The following SLC47A2 variants were observed in gnomAD, a reference collection of about 807,000 sequenced individuals.
SLC47A2 encodes multidrug and toxin extrusion protein 2.
Under a neutral mutation model 67.7 loss-of-function variants are expected in SLC47A2, and 52 were observed. The observed-to-expected ratio is 0.77, with a 90% CI of 0.61 to 0.97. SLC47A2 has a LOEUF of 0.97. Among genes scored for constraint, SLC47A2 ranks in the 50% least tolerant of loss-of-function variants. The pLI is 0.00. For missense variants in SLC47A2, 676 were observed against 712.3 expected, an observed-to-expected ratio of 0.95 and a Z score of 0.58; for synonymous variants, 278 against 292.9, an observed-to-expected ratio of 0.95 and a Z score of 0.52.
chr17:19,704,427 C>CAG (rs2085872489), intron 10 of SLC47A2, among the ~76,000 whole-genome samples: 1 of 152,264 alleles, frequency 6.6e-6, no homozygotes, highest in Non-Finnish European at 1.5e-5. Context: ...GCAGCACAGG[C>CAG]AGGCGGGCCT....
At chr17:19,712,545 A>G (rs1243949667) in intron 5 of SLC47A2, among the ~76,000 whole-genome samples, 158 bp downstream of exon 5, 2 of 152,152 alleles carry the variant, frequency 1.3e-5, no homozygotes, top group Admixed American at 6.5e-5. Context: ...TTTAAATTCA[A>G]TTTGCACCAA....
intron 13 of SLC47A2, 94 bp from the exon 14 acceptor site, chr17:19,681,764 A>C: frequency 1.4e-6 from 2 of 1,459,242 alleles, no homozygotes; most frequent in Non-Finnish European, 1.9e-6. Flanking sequence ...TTCGCATGGC[A>C]TTGCTTCACT....
chr17:19,713,570 C>T (rs1170063312), intron 4 of SLC47A2, among the ~76,000 whole-genome samples: 1 of 152,228 alleles, frequency 6.6e-6, no homozygotes, highest in East Asian at 1.9e-4. Flanking sequence ...ATGCAAATCC[C>T]AAATTGTTTC....
intron 10 of SLC47A2, among the ~76,000 whole-genome samples, chr17:19,704,407 G>A (rs377449808): frequency 3.2e-4 from 49 of 152,374 alleles, no homozygotes; most frequent in Admixed American, 1.9e-3. Context: ...CACCACCTGC[G>A]CCATCAGAAG....
intron 5 of SLC47A2, 82 bp from the exon 6 acceptor site, chr17:19,708,842 G>T: frequency 6.6e-7 from 1 of 1,518,480 alleles, no homozygotes; most frequent in Non-Finnish European, 9.1e-7. Context: ...TCCTTTCCAG[G>T]ACATAGTACC....
chr17:19,717,725 A>AG (rs1446225138), upstream of SLC47A2: 1 of 151,556 alleles, frequency 6.6e-6, no homozygotes, highest in African/African-American at 2.4e-5. Flanking sequence ...AAAAAAAAAA[A>AG]GGGTTTGCTA....
intron 13 of SLC47A2, chr17:19,702,293 G>C: frequency 1.0e-6 from 1 of 985,272 alleles, no homozygotes; most frequent in Non-Finnish European, 1.2e-6. Context: ...TGGGGCACAG[G>C]TCAATGTCAT....
intron 4 of SLC47A2, among the ~76,000 whole-genome samples, chr17:19,713,413 A>AATCATCATC (rs549694670): frequency 1.4e-5 from 2 of 147,762 alleles, no homozygotes; most frequent in African/African-American, 2.5e-5. Context: ...TAATAATAAT[A>AATCATCATC]ATCATCATCA....
intron 13 of SLC47A2, among the ~76,000 whole-genome samples, chr17:19,690,608 A>C (rs1470821861): frequency 1.3e-5 from 2 of 152,216 alleles, no homozygotes; most frequent in Non-Finnish European, 2.9e-5. Context: ...AAATGGACAG[A>C]AATAGAAAAA....
chr17:19,709,103 G>T (rs951023628), intron 5 of SLC47A2, among the ~76,000 whole-genome samples: 3 of 152,240 alleles, frequency 2.0e-5, no homozygotes, highest in Admixed American at 1.3e-4. Context: ...AGCTTAGGAA[G>T]GTGAGAAGTG....
At chr17:19,715,077 G>T (rs751941184) in intron 2 of SLC47A2, 39 bp downstream of exon 2, 2 of 1,594,252 alleles carry the variant, frequency 1.3e-6, no homozygotes, top group South Asian at 1.1e-5. Flanking sequence ...GAAGCCTGGG[G>T]AGAGAACGTC....
At chr17:19,715,515 A>C (rs530662545) in intron 1 of SLC47A2, among the ~76,000 whole-genome samples, 1 of 152,324 alleles carries the variant, frequency 6.6e-6, no homozygotes, top group African/African-American at 2.4e-5. Flanking sequence ...AGTTCCTATT[A>C]TAACAATAAT....
At chr17:19,714,069 G>A (rs1302491194) in intron 3 of SLC47A2, 96 bp from the exon 4 acceptor site, 16 of 1,485,956 alleles carry the variant, frequency 1.1e-5, no homozygotes, top group Non-Finnish European at 1.3e-5. Flanking sequence ...CCAGCGGTGT[G>A]TGGCGGACCC....
chr17:19,681,372 C>T lies in SLC47A2; in HGVS notation c.1387G>A (p.Glu463Lys), dbSNP rs1372229717. 6.2e-7 allele frequency: 1 copy of T among 1,605,888 alleles called. No individual in the cohort carries two copies. Among genetic ancestry groups the T allele is most frequent in the East Asian group, 2.2e-5 (1 of 44,558 alleles). The change falls in exon 15 of 17, where the codon GAG becomes AAG. Residue 463 changes from glutamate (E) to lysine (K), a missense_variant. Glu to Lys is a moderately conservative substitution (Grantham distance 56). Coordinates refer to ENST00000433844, the MANE Select transcript of SLC47A2 (RefSeq NM_001099646.3). Reference protein sequence around the residue: ...TARLDWKLAAEEAKKHSGRQQ... With the variant: ...TARLDWKLAAKEAKKHSGRQQ... Reference sequence around the variant, plus strand: ...GGGTCAGCTGACCCACTTACCTCCTCTGCAGCAAGCTTCCAGTCCAGCCGG... The same window carrying T: ...GGGTCAGCTGACCCACTTACCTCCTTTGCAGCAAGCTTCCAGTCCAGCCGG...
rs768657043 is a variant in SLC47A2 at position 19,678,639 on chromosome 17, C to T, written c.*47G>A. On this transcript the variant is annotated 3_prime_UTR_variant, in exon 17 of 17. Coordinates refer to ENST00000433844, the MANE Select transcript of SLC47A2 (RefSeq NM_001099646.3). Reference sequence around the variant, plus strand: ...TGCAGGGCAGACCGTGGTGTGTTTGCATACTGGGGACAGCCACTCCTGGCT... The same window carrying T: ...TGCAGGGCAGACCGTGGTGTGTTTGTATACTGGGGACAGCCACTCCTGGCT... 1.3e-6 allele frequency: 2 copies of T among 1,590,642 alleles called. No homozygotes were observed. The highest frequency in any genetic ancestry group is 2.7e-5 in the African/African-American group (2 of 74,426).
intron 13 of SLC47A2, among the ~76,000 whole-genome samples, chr17:19,691,904 G>A (rs570172503): frequency 3.6e-4 from 54 of 152,080 alleles, no homozygotes; most frequent in Non-Finnish European, 6.3e-4. Context: ...AACAACCAGA[G>A]AAAATTAATA....
At chr17:19,704,888 C>T (rs991222928) in intron 10 of SLC47A2, 14 of 461,180 alleles carry the variant, frequency 3.0e-5, no homozygotes, top group African/African-American at 2.8e-4. Context: ...TGCAGTGGCA[C>T]GATCTCGGCT....
rs966408494 is a variant in SLC47A2 at position 19,702,417 on chromosome 17, A to G, written c.1164+188T>C. 7 of 985,346 alleles carry G rather than the reference A, an allele frequency of 7.1e-6. No homozygotes were observed. The Admixed American group carries it at 4.3e-4, about 61-fold the overall frequency. The allele number at this position is 985,346 out of a possible 1,614,324, so 61.0% of individuals were successfully genotyped here. ...TTTGAGCTCGTGTAAATTGCAGAAG[A>G]AGAGGGAAGTCACTGTTTGAAATAA... On this transcript the variant is annotated intron_variant, in intron 13 of 16. Transcript: ENST00000433844.
chr17:19,714,441 G>A (rs543813271), intron 3 of SLC47A2: 3 of 532,624 alleles, frequency 5.6e-6, no homozygotes, highest in Non-Finnish European at 1.0e-5. Flanking sequence ...CTGGGGAACC[G>A]GTTGTCTTTC....
Sources: allele counts gnomAD v4.1 joint callset (sites outside exome capture counted in the v4.1 genomes callset), GRCh38; gene constraint gnomAD v4.1.1; transcripts MANE v1.5; gene names NCBI Gene and HGNC (gene_info 2026-07-23, HGNC 2026-07-21).